ANK2: variants seen among roughly 807,000 people sequenced by gnomAD.
The protein encoded by ANK2 is ankyrin 2.
In ANK2, 83 loss-of-function variants were observed where a neutral mutation model predicts 360.5. The observed-to-expected ratio is 0.23, with a 90% CI of 0.19 to 0.28. The LOEUF (loss-of-function observed/expected upper bound fraction) is 0.28. Among genes scored for constraint, ANK2 ranks in the 10% least tolerant of loss-of-function variants. The pLI, the probability that ANK2 is intolerant of heterozygous loss-of-function variation, is 1.00. For missense variants in ANK2, 4,201 were observed against 4,795.7 expected (o/e 0.88, Z 3.66); for synonymous variants, 1,740 against 1,759.5 (o/e 0.99, Z 0.28).
In ANK2 at chr4:113,258,326, C is replaced by T; in HGVS notation, c.1301C>T (p.Pro434Leu). The T allele has an allele frequency of 6.2e-7, 1 of 1,614,042 alleles. No individual in the cohort carries two copies. The highest frequency in any genetic ancestry group is 8.5e-7 in the Non-Finnish European group (1 of 1,180,014). Residue 434 changes from proline (P) to leucine (L), a missense_variant, in exon 13 of 46, where the codon CCA (proline) becomes CTA (leucine). By Grantham distance (98) the Pro-to-Leu change is moderately conservative. This residue lies in a region of ANK2 where 1,268 missense variants were observed against 1,650.8 expected (regional missense o/e 0.77). Transcript: ENST00000357077. The part of the protein sequence containing the change: ...IQAITESGLT[P>L]IHVAAFMGHL... ...TTTGTTTCGCAGTCTGGCCTCACAC[C>T]AATACATGTGGCTGCCTTCATGGGC... is the stretch of plus-strand genomic sequence containing the variant.
At chr4:113,035,681 T>G (rs115198065) in intron 2 of ANK2, among the ~76,000 whole-genome samples, 2,249 of 151,916 alleles carry the variant, frequency 0.015, 26 homozygotes, top group Non-Finnish European at 0.024. Context: ...AAAATACAAC[T>G]GTCTGGAAAT....
At chr4:112,746,507 C>CAAAA in the ANK2 span, among the ~76,000 whole-genome samples, 1 of 121,790 alleles carries the variant, frequency 8.2e-6, no homozygotes, top group Non-Finnish European at 1.8e-5. Context: ...GATGCTGTCT[C>CAAAA]AAAAAAAAAA....
rs1419915575 is a variant in ANK2, at chr4:112,957,686, C to G, written c.21+53172C>G. ...CTCCCGGACGGGGCGGCTGGCTGGG[C>G]GGGGGGCTGACCCCCCCACCTCCCT... is the stretch of plus-strand genomic sequence containing the variant. On this transcript the variant is annotated intron_variant, in intron 2 of 30. Transcript: ENST00000503271. Among the ~76,000 whole-genome samples the G allele has an allele frequency of 2.5e-3, 335 of 132,360 alleles. 1 individual carries two copies. The highest frequency in any genetic ancestry group is 9.3e-3 in the African/African-American group (326 of 35,036). The allele number at this position is 132,360 out of a possible 152,430, so 86.8% of individuals were successfully genotyped here.
At chr4:113,159,316 A>T (rs2097425521) in intron 1 of ANK2, among the ~76,000 whole-genome samples, 1 of 152,108 alleles carries the variant, frequency 6.6e-6, no homozygotes, top group Admixed American at 6.5e-5. Context: ...CTGAAGAGAG[A>T]TACATTTTAT....
At chr4:113,023,833 C>T (rs753774255) in intron 2 of ANK2, among the ~76,000 whole-genome samples, 3 of 151,502 alleles carry the variant, frequency 2.0e-5, no homozygotes, top group African/African-American at 4.9e-5. Flanking sequence ...ATTTTCTTCA[C>T]GAGAAGATAA....
chr4:113,164,333 A>G (rs1192131751), intron 1 of ANK2, among the ~76,000 whole-genome samples: 4 of 152,240 alleles, frequency 2.6e-5, no homozygotes, highest in African/African-American at 4.8e-5. Context: ...ACTAAGATCA[A>G]CAGTGTGAGA....
the ANK2 span, among the ~76,000 whole-genome samples, chr4:112,783,552 G>C: frequency 6.6e-6 from 1 of 151,772 alleles, no homozygotes; most frequent in Admixed American, 6.6e-5. Context: ...TACATTTCTT[G>C]ATAGCATACT....
chr4:112,919,610 G>A (rs1024361677), intron 2 of ANK2, among the ~76,000 whole-genome samples: 1 of 152,104 alleles, frequency 6.6e-6, no homozygotes, highest in Non-Finnish European at 1.5e-5. Flanking sequence ...AATGAAATAA[G>A]TATAATACCA....
the ANK2 span, among the ~76,000 whole-genome samples, chr4:112,710,692 C>T: frequency 1.4e-5 from 2 of 147,508 alleles, no homozygotes; most frequent in Admixed American, 1.3e-4. Flanking sequence ...AGCAAGACTC[C>T]ATCTCAAAAA....
intron 1 of ANK2, among the ~76,000 whole-genome samples, chr4:112,831,939 C>T (rs1300213149): frequency 6.6e-6 from 1 of 152,112 alleles, no homozygotes; most frequent in Non-Finnish European, 1.5e-5. Context: ...AAGGAAGAAA[C>T]TCTGGACACA....
At chr4:112,747,369 A>G in the ANK2 span, among the ~76,000 whole-genome samples, 5 of 152,232 alleles carry the variant, frequency 3.3e-5, no homozygotes, top group Non-Finnish European at 7.3e-5. Flanking sequence ...AGATCTCCAA[A>G]GCCTTGTCAC....
chr4:113,002,217 T>C (rs1184553908), intron 2 of ANK2, among the ~76,000 whole-genome samples: 1 of 152,112 alleles, frequency 6.6e-6, no homozygotes, highest in African/African-American at 2.4e-5. Flanking sequence ...ACTGGGTATA[T>C]ACCCAAAGGA....
At chr4:113,348,252 T>G in intron 35 of ANK2, 24 bp from the exon 36 acceptor site, 1 of 1,612,678 alleles carries the variant, frequency 6.2e-7, no homozygotes, top group Non-Finnish European at 8.5e-7. Context: ...TTTTCCATCT[T>G]GCATGGCATC....
chr4:113,242,229 C>A lies in ANK2; in HGVS notation c.891+20C>A, dbSNP rs2153574219. On this transcript the variant is annotated intron_variant, in intron 9 of 45. Coordinates refer to ENST00000357077, the MANE Select transcript of ANK2 (RefSeq NM_001148.6). ...ACTAGGGTGAGTGTCTCTGTTCTTT[C>A]AATTTTCTACCATTATTATTTCTTT... 6.3e-7 allele frequency: 1 copy of A among 1,593,340 alleles called. No individual in the cohort carries two copies. Among genetic ancestry groups the A allele is most frequent in the Non-Finnish European group, 8.6e-7 (1 of 1,161,258 alleles).
intron 24 of ANK2, 54 bp from the exon 25 acceptor site, chr4:113,317,653 C>A: frequency 1.4e-6 from 2 of 1,415,104 alleles, no homozygotes; most frequent in South Asian, 2.3e-5. Flanking sequence ...ATTTTGTCAT[C>A]CCAACCCTGC....
chr4:113,053,620 G>T lies in ANK2; in HGVS notation c.84+3808G>T, dbSNP rs540028823. 2.0e-5 allele frequency among the ~76,000 whole-genome samples: 3 copies of T among 152,218 alleles called. No homozygotes were observed. In the South Asian group the frequency reaches 6.2e-4, roughly 32 times the overall value. ...AGATTTTTATATTTTTTGAGGCAGG[G>T]TCTTATTCTGTCACCCAGGCTGGAG... On this transcript the variant is annotated intron_variant, in intron 1 of 45. Coordinates refer to ENST00000357077, the MANE Select transcript of ANK2 (RefSeq NM_001148.6).
At chr4:113,307,389 G>A (rs74927122) in intron 23 of ANK2, among the ~76,000 whole-genome samples, 7,132 of 147,186 alleles carry the variant, frequency 0.048, 233 homozygotes, top group Non-Finnish European at 0.071. Context: ...ATGAGGGGTT[G>A]TCAGGAAGGG....
intron 4 of ANK2, among the ~76,000 whole-genome samples, chr4:113,202,054 C>T (rs929976994): frequency 1.3e-5 from 2 of 151,970 alleles, no homozygotes; most frequent in Non-Finnish European, 2.9e-5. Flanking sequence ...AGAATCTTTT[C>T]TAAATGTTTT....
chr4:113,267,800 G>C (rs1476130125), intron 14 of ANK2, among the ~76,000 whole-genome samples: 5 of 152,190 alleles, frequency 3.3e-5, no homozygotes, highest in Non-Finnish European at 7.3e-5. Context: ...ATCAACGGTA[G>C]CTTGATGGGG....
Sources: gnomAD v4.1 joint callset for allele counts (sites outside exome capture counted in the v4.1 genomes callset) on GRCh38, gnomAD v4.1.1 for gene constraint, gnomAD v4.1.1 regional missense constraint, MANE v1.5 for transcripts, NCBI Gene and HGNC (gene_info 2026-07-23, HGNC 2026-07-21) for gene names.